Variants in MIGA1 observed in about 807,000 individuals in gnomAD.
MIGA1 encodes the protein mitoguardin 1.
In MIGA1, 58 loss-of-function variants were observed where a neutral mutation model predicts 82.0. The observed-to-expected ratio is 0.71, with a 90% CI of 0.57 to 0.88. The LOEUF is 0.88. MIGA1 is among the 40% of genes least tolerant of loss of function. The pLI is 0.00. For missense variants in MIGA1, 751 were observed against 749.1 expected (o/e 1.00, Z -0.03); for synonymous variants, 249 against 253.6 (o/e 0.98, Z 0.17).
At chr1:77,837,269 T>C (rs1432643434) in intron 7 of MIGA1, among the ~76,000 whole-genome samples, 1 of 152,244 alleles carries the variant, frequency 6.6e-6, no homozygotes, top group Non-Finnish European at 1.5e-5. Flanking sequence ...TGTTTTCTCT[T>C]TTTTGTTGCT....
chr1:77,824,737 CT>C (rs1683964515), intron 7 of MIGA1, among the ~76,000 whole-genome samples: 1 of 152,146 alleles, frequency 6.6e-6, no homozygotes, highest in Non-Finnish European at 1.5e-5. Flanking sequence ...TTCAAGCCAT[CT>C]TTACAATGTT....
intron 12 of MIGA1, chr1:77,861,895 C>A (rs1685467174): frequency 6.6e-6 from 1 of 151,916 alleles, no homozygotes; most frequent in Non-Finnish European, 1.5e-5. Flanking sequence ...AATCCCAGCA[C>A]TTTGGGAGGC....
At chr1:77,832,400 A>G (rs1312730984) in intron 7 of MIGA1, among the ~76,000 whole-genome samples, 1 of 152,262 alleles carries the variant, frequency 6.6e-6, no homozygotes, top group African/African-American at 2.4e-5. Context: ...CCTTTAGGCA[A>G]TGCAGAGTCT....
intron 7 of MIGA1, among the ~76,000 whole-genome samples, chr1:77,836,919 C>T (rs1270599636): frequency 6.6e-6 from 1 of 151,822 alleles, no homozygotes; most frequent in Non-Finnish European, 1.5e-5. Context: ...GCTTTTTTTC[C>T]CAAGTTACAA....
intron 14 of MIGA1, among the ~76,000 whole-genome samples, chr1:77,871,104 A>G (rs1378349388): frequency 2.5e-3 from 28 of 11,238 alleles, no homozygotes; most frequent in Non-Finnish European, 8.8e-3. Flanking sequence ...GGGGAGAGGG[A>G]GAGGGAGAGG....
intron 5 of MIGA1, chr1:77,811,349 G>A: frequency 1.9e-6 from 3 of 1,607,050 alleles, no homozygotes; most frequent in Non-Finnish European, 2.6e-6. Context: ...AAAGAATCAG[G>A]AGACCCTGCT....
At chr1:77,835,345 T>C (rs976593341) in intron 7 of MIGA1, among the ~76,000 whole-genome samples, 1 of 152,190 alleles carries the variant, frequency 6.6e-6, no homozygotes, top group Non-Finnish European at 1.5e-5. Flanking sequence ...CCAAAGAATA[T>C]CATCGTTGAT....
intron 2 of MIGA1, among the ~76,000 whole-genome samples, chr1:77,794,971 G>GT (rs1017156716): frequency 2.5e-4 from 37 of 147,538 alleles, no homozygotes; most frequent in East Asian, 5.9e-4. Flanking sequence ...GGAGTTTTTT[G>GT]TTTTTTTTTT....
chr1:77,870,303 C>T (rs1361259913), intron 14 of MIGA1, among the ~76,000 whole-genome samples: 1,137 of 112,640 alleles, frequency 0.01, no homozygotes, highest in African/African-American at 0.038. Context: ...GGCTGCCGGA[C>T]GGAGGGGCTC....
chr1:77,813,719 G>C lies in MIGA1; in HGVS notation c.638-15G>C, dbSNP rs1043933521. ...GATTTTGCTCAGTTAAAATTGTTCT[G>C]TTCTTAATTTTTAGGTATGGAATTG... On this transcript the variant is annotated splice_polypyrimidine_tract_variant and intron_variant, in intron 5 of 15. Coordinates refer to ENST00000370791, the MANE Select transcript of MIGA1 (RefSeq NM_198549.4). The C allele has an allele frequency of 3.7e-6, 6 of 1,612,374 alleles. No homozygotes were observed. Among genetic ancestry groups the C allele is most frequent in the African/African-American group, 1.3e-5 (1 of 74,834 alleles).
chr1:77,866,584 A>G (rs201027772), intron 14 of MIGA1, among the ~76,000 whole-genome samples, 193 bp downstream of exon 14: 1 of 151,664 alleles, frequency 6.6e-6, no homozygotes, highest in East Asian at 1.9e-4. Flanking sequence ...CATCCTTAGT[A>G]TTGAGGCATG....
chr1:77,872,296 A>G (rs975550963), intron 14 of MIGA1, among the ~76,000 whole-genome samples: 4 of 152,126 alleles, frequency 2.6e-5, no homozygotes, highest in Non-Finnish European at 5.9e-5. Context: ...AAGCATTTTT[A>G]TGAGGTAAAA....
chr1:77,843,428 A>G, intron 8 of MIGA1, 21 bp downstream of exon 8: 1 of 1,576,516 alleles, frequency 6.3e-7, no homozygotes, highest in Non-Finnish European at 8.7e-7. Context: ...TGTGTTCCTA[A>G]TGAGGATTTC....
At chr1:77,832,418 G>T (rs1684275533) in intron 7 of MIGA1, among the ~76,000 whole-genome samples, 1 of 152,182 alleles carries the variant, frequency 6.6e-6, no homozygotes, top group South Asian at 2.1e-4. Flanking sequence ...TCTAGTTTTG[G>T]AAACAGGCAT....
At chr1:77,828,583 G>A (rs1374170168) in intron 7 of MIGA1, among the ~76,000 whole-genome samples, 1 of 152,100 alleles carries the variant, frequency 6.6e-6, no homozygotes, top group East Asian at 1.9e-4. Flanking sequence ...AAGTACATGA[G>A]GAAAATATAA....
chr1:77,782,986 C>A, intron 1 of MIGA1: 2 of 518,282 alleles, frequency 3.9e-6, no homozygotes, highest in Non-Finnish European at 5.0e-6. Flanking sequence ...GCTACCCGGA[C>A]TCAAAGTTTA....
intron 14 of MIGA1, among the ~76,000 whole-genome samples, chr1:77,868,941 T>A (rs918755830): frequency 7.7e-6 from 1 of 129,674 alleles, no homozygotes; most frequent in Non-Finnish European, 1.5e-5. Flanking sequence ...AATTTATTTA[T>A]TTTTTTTTTT....
Position 77,875,840 on chromosome 1 carries a change from A to G in MIGA1, c.*776A>G, listed in dbSNP as rs1259087990. On this transcript the variant is annotated 3_prime_UTR_variant, in exon 16 of 16. Transcript: ENST00000370791. The stretch of plus-strand genomic sequence containing the variant: ...ATGGAAATATTAAAATTTTTTTAAA[A>G]AATAAAAATAGGCTGGGTGTGGTGG... 1 of 152,126 alleles carries G rather than the reference A, an allele frequency of 6.6e-6. No homozygotes were observed. Among genetic ancestry groups the G allele is most frequent in the Non-Finnish European group, 1.5e-5 (1 of 68,020 alleles). The allele number at this position is 152,126 out of a possible 1,614,324, so 9.4% of individuals were successfully genotyped here. A position where few individuals can be genotyped will look rare whatever the true frequency, so the allele number is the denominator to read the frequency against.
At chr1:77,865,555 T>C (rs887619799) in intron 13 of MIGA1, among the ~76,000 whole-genome samples, 3 of 152,114 alleles carry the variant, frequency 2.0e-5, no homozygotes, top group African/African-American at 7.2e-5. Context: ...ATCACTCCTT[T>C]GCACTTCAGC....
Sources: gnomAD v4.1 joint callset for allele counts (sites outside exome capture counted in the v4.1 genomes callset) on GRCh38, gnomAD v4.1.1 for gene constraint, MANE v1.5 for transcripts, NCBI Gene and HGNC (gene_info 2026-07-23, HGNC 2026-07-21) for gene names.